The following CCSER1 variants were observed in gnomAD, a reference collection of about 807,000 sequenced individuals.
The protein encoded by CCSER1 is serine-rich coiled-coil domain-containing protein 1.
In CCSER1, 41 loss-of-function variants were observed where a neutral mutation model predicts 82.0. The observed-to-expected ratio is 0.50, with a 90% CI of 0.39 to 0.65. The LOEUF is 0.65. Among genes scored for constraint, CCSER1 ranks in the 30% least tolerant of loss-of-function variants. The pLI is 0.00. For synonymous variants in CCSER1, 414 were observed against 383.9 expected (o/e 1.08, Z -0.92); for missense variants, 1,119 against 1,064.2 (o/e 1.05, Z -0.72).
intron 6 of CCSER1, among the ~76,000 whole-genome samples, chr4:90,668,989 A>G (rs947519687): frequency 2.0e-5 from 3 of 152,236 alleles, no homozygotes; most frequent in Middle Eastern, 3.4e-3. Context: ...CATAAGAGAA[A>G]TGCAAAGCAA....
intron 8 of CCSER1, among the ~76,000 whole-genome samples, chr4:90,912,152 T>C (rs1177027199): frequency 6.6e-6 from 1 of 152,168 alleles, no homozygotes; most frequent in East Asian, 1.9e-4. Context: ...AGCACGGAGC[T>C]TGAGATCTGA....
intron 5 of CCSER1, among the ~76,000 whole-genome samples, chr4:90,611,006 T>C (rs1785399685): frequency 6.6e-6 from 1 of 151,596 alleles, no homozygotes; most frequent in Admixed American, 6.6e-5. Flanking sequence ...GCCTCCTGAG[T>C]AGCTGGGTTT....
chr4:91,319,186 T>C, intron 10 of CCSER1: 1 of 203,262 alleles, frequency 4.9e-6, no homozygotes, highest in Admixed American at 5.8e-5. Flanking sequence ...TGAAGAATGC[T>C]AAAAAGAATA....
chr4:91,253,860 G>T (rs1252473939), intron 10 of CCSER1, among the ~76,000 whole-genome samples: 1 of 151,996 alleles, frequency 6.6e-6, no homozygotes, highest in African/African-American at 2.4e-5. Context: ...AGAGAGGAGT[G>T]GGGGGAGGTG....
chr4:90,574,251 A>ATTTTTTTTTT lies in CCSER1; in HGVS notation c.1725-53755_1725-53746dup, dbSNP rs777629017. 2.0e-3 allele frequency among the ~76,000 whole-genome samples: 176 copies of ATTTTTTTTTT among 86,068 alleles called. 16 individuals are homozygous for ATTTTTTTTTT. The highest frequency in any genetic ancestry group is 0.01 in the African/African-American group (171 of 16,452). 56.5% of individuals were successfully genotyped at this position (86,068 alleles called of 152,430 possible). A position where few individuals can be genotyped will look rare whatever the true frequency, so the allele number is the denominator to read the frequency against. Reference sequence around the variant, plus strand: ...CCATATAGCTTGTAGAAACACATTAATTTTTTTTTTTTTTTTTTTTTTTTT... The same window carrying ATTTTTTTTTT: ...CCATATAGCTTGTAGAAACACATTAATTTTTTTTTTTTTTTTTTTTTTTTTTTTTTTTTTT... On this transcript the variant is annotated intron_variant, in intron 5 of 10. Transcript: ENST00000509176.
chr4:91,081,791 T>A (rs1722786510), intron 9 of CCSER1, among the ~76,000 whole-genome samples: 1 of 151,982 alleles, frequency 6.6e-6, no homozygotes, highest in South Asian at 2.1e-4. Flanking sequence ...AGTGCCAAAT[T>A]ATGAGTGAAC....
chr4:90,368,509 T>G (rs1239794483), intron 3 of CCSER1, among the ~76,000 whole-genome samples: 1 of 151,772 alleles, frequency 6.6e-6, no homozygotes, highest in Non-Finnish European at 1.5e-5. Flanking sequence ...GGTGTGCACC[T>G]GTAGTCTTAG....
chr4:90,929,604 A>G (rs1729478956), intron 9 of CCSER1, among the ~76,000 whole-genome samples: 1 of 152,182 alleles, frequency 6.6e-6, no homozygotes, highest in Non-Finnish European at 1.5e-5. Context: ...GTATCAGTGA[A>G]CCAAAAGCCC....
intron 1 of CCSER1, among the ~76,000 whole-genome samples, chr4:90,176,125 C>T (rs576557645): frequency 3.9e-5 from 6 of 152,006 alleles, no homozygotes; most frequent in African/African-American, 7.2e-5. Flanking sequence ...CAGGTTAAGA[C>T]GTCTTGGCAG....
chr4:90,442,526 G>A (rs971980919), intron 4 of CCSER1, among the ~76,000 whole-genome samples: 1 of 152,122 alleles, frequency 6.6e-6, no homozygotes, highest in Non-Finnish European at 1.5e-5. Flanking sequence ...TTGAGTATCT[G>A]GGATCAAATG....
intron 10 of CCSER1, among the ~76,000 whole-genome samples, chr4:91,155,942 A>G (rs1397804606): frequency 6.6e-6 from 1 of 151,876 alleles, no homozygotes; most frequent in Non-Finnish European, 1.5e-5. Context: ...AAGAAATACT[A>G]AGTATTTTAA....
intron 10 of CCSER1, among the ~76,000 whole-genome samples, chr4:91,471,001 T>C (rs17018549): frequency 0.11 from 16,815 of 152,184 alleles, 1,001 homozygotes; most frequent in African/African-American, 0.12. Flanking sequence ...ATTAACTTCA[T>C]GGACTTTCAG....
At chr4:90,886,025 T>C (rs766398840) in intron 8 of CCSER1, among the ~76,000 whole-genome samples, 24 of 152,088 alleles carry the variant, frequency 1.6e-4, no homozygotes, top group Non-Finnish European at 2.8e-4. Context: ...CTGTTCCTCA[T>C]TGGTGTTCTC....
At chr4:91,038,490 C>A (rs949684343) in intron 9 of CCSER1, among the ~76,000 whole-genome samples, 1 of 152,038 alleles carries the variant, frequency 6.6e-6, no homozygotes, top group Non-Finnish European at 1.5e-5. Context: ...TAAAAATATA[C>A]CCTTGGTTTC....
chr4:90,806,267 T>G (rs1467536626), intron 7 of CCSER1, among the ~76,000 whole-genome samples: 1 of 152,216 alleles, frequency 6.6e-6, no homozygotes, highest in African/African-American at 2.4e-5. Flanking sequence ...ATTCCATAAA[T>G]GAATGTAAAT....
Position 91,144,710 on chromosome 4 carries a change from A to C in CCSER1, c.2217+58716A>C, listed in dbSNP as rs145543245. On this transcript the variant is annotated intron_variant, in intron 10 of 10. Coordinates refer to ENST00000509176, the MANE Select transcript of CCSER1 (RefSeq NM_001145065.2). The stretch of plus-strand genomic sequence containing the variant: ...AGTTTTGGATTTCTGCCTTAATTTC[A>C]TTGTTTTTACAAAGGGCATTCAGAA... 3.0e-3 allele frequency among the ~76,000 whole-genome samples: 447 copies of C among 149,656 alleles called. 2 individuals are homozygous for C. Among genetic ancestry groups the C allele is most frequent in the Middle Eastern group, 0.01 (3 of 290 alleles).
chr4:91,253,062 A>G (rs1360364258), intron 10 of CCSER1, among the ~76,000 whole-genome samples: 3 of 151,784 alleles, frequency 2.0e-5, no homozygotes, highest in African/African-American at 7.3e-5. Context: ...CTTGAACAGC[A>G]TGGGCTTGAA....
chr4:91,185,912 A>C (rs929852866), intron 10 of CCSER1, among the ~76,000 whole-genome samples: 10 of 152,188 alleles, frequency 6.6e-5, no homozygotes, highest in Admixed American at 2.0e-4. Flanking sequence ...CTCTGATACC[A>C]TCACAGGCCT....
intron 6 of CCSER1, among the ~76,000 whole-genome samples, chr4:90,650,324 G>A (rs983315725): frequency 6.6e-6 from 1 of 152,024 alleles, no homozygotes; most frequent in Non-Finnish European, 1.5e-5. Flanking sequence ...CATGTTTTCT[G>A]TAAAATAAGA....
Sources: allele counts gnomAD v4.1 joint callset (sites outside exome capture counted in the v4.1 genomes callset), GRCh38; gene constraint gnomAD v4.1.1; transcripts MANE v1.5; gene names NCBI Gene and HGNC (gene_info 2026-07-23, HGNC 2026-07-21).